The following LIMS4 variants were observed in gnomAD, a reference collection of about 807,000 sequenced individuals.
The protein encoded by LIMS4 is LIM zinc finger domain containing 4, also known as LIM and senescent cell antigen-like-containing domain protein 4.
the LIMS4 span, among the ~76,000 whole-genome samples, chr2:110,418,604 TA>T: frequency 1.4e-5 from 1 of 69,188 alleles, no homozygotes; most frequent in Non-Finnish European, 2.6e-5. Flanking sequence ...ACCACTGATG[TA>T]AATATAGCCA....
the LIMS4 span, among the ~76,000 whole-genome samples, chr2:110,392,395 C>T: frequency 6.7e-5 from 10 of 150,312 alleles, no homozygotes; most frequent in African/African-American, 1.5e-4. Flanking sequence ...GCCAAGATCA[C>T]GCCATTGCAC....
the LIMS4 span, among the ~76,000 whole-genome samples, chr2:110,366,898 T>C: frequency 1.3e-5 from 2 of 149,834 alleles, no homozygotes; most frequent in Non-Finnish European, 3.0e-5. Context: ...ACACCAACAA[T>C]ATCCAAGCTG....
chr2:110,373,232 TG>T, the LIMS4 span, among the ~76,000 whole-genome samples: 2 of 11,642 alleles, frequency 1.7e-4, no homozygotes, highest in East Asian at 2.2e-3. Context: ...CTCATGAGCC[TG>T]GCCAGTGGTG....
the LIMS4 span, among the ~76,000 whole-genome samples, chr2:110,391,049 G>C: frequency 6.6e-6 from 1 of 151,064 alleles, no homozygotes; most frequent in Non-Finnish European, 1.5e-5. Flanking sequence ...GCACAGTGTG[G>C]GGAGGTGGAA....
chr2:110,396,177 G>A, the LIMS4 span, among the ~76,000 whole-genome samples: 1 of 90,432 alleles, frequency 1.1e-5, no homozygotes, highest in Non-Finnish European at 2.1e-5. Flanking sequence ...AATTGTCACA[G>A]CCCCACAGAG....
At chr2:110,367,890 A>G in the LIMS4 span, among the ~76,000 whole-genome samples, 1 of 143,356 alleles carries the variant, frequency 7.0e-6, no homozygotes, top group Non-Finnish European at 1.5e-5. Context: ...TCAAAAAAGA[A>G]AAAAAATTCT....
chr2:110,419,656 C>CAA, the LIMS4 span, among the ~76,000 whole-genome samples: 16 of 8,124 alleles, frequency 2.0e-3, no homozygotes, highest in African/African-American at 0.018. Context: ...ACAACAACAA[C>CAA]AAAAAAAAAA....
At chr2:110,424,439 T>G in the LIMS4 span, among the ~76,000 whole-genome samples, 5 of 126,040 alleles carry the variant, frequency 4.0e-5, no homozygotes, top group Admixed American at 4.1e-4. Flanking sequence ...TTTAAAACGT[T>G]GATCATGAAG....
chr2:110,425,622 A>G, the LIMS4 span, among the ~76,000 whole-genome samples: 4 of 142,532 alleles, frequency 2.8e-5, no homozygotes, highest in Admixed American at 6.9e-5. Context: ...CTTAACCCCT[A>G]AAGAGCAAGA....
the LIMS4 span, among the ~76,000 whole-genome samples, chr2:110,425,333 T>C: frequency 7.1e-6 from 1 of 141,720 alleles, no homozygotes; most frequent in South Asian, 2.2e-4. Context: ...TGAGTGGTGA[T>C]TGCACCACTG....
chr2:110,373,899 G>A, the LIMS4 span, among the ~76,000 whole-genome samples: 2 of 141,574 alleles, frequency 1.4e-5, no homozygotes, highest in African/African-American at 3.1e-5. Flanking sequence ...ATCTCACCAG[G>A]GCCCCCTCCC....
At chr2:110,395,862 T>A in the LIMS4 span, among the ~76,000 whole-genome samples, 1 of 129,700 alleles carries the variant, frequency 7.7e-6, no homozygotes, top group Non-Finnish European at 1.6e-5. Context: ...CCCACCGACC[T>A]GTGCAGGGCC....
At chr2:110,395,961 C>G in the LIMS4 span, among the ~76,000 whole-genome samples, 2 of 141,440 alleles carry the variant, frequency 1.4e-5, 1 homozygote, top group African/African-American at 5.8e-5. Flanking sequence ...GCACTACTGA[C>G]AGACCACAGG....
At chr2:110,374,067 C>T in the LIMS4 span, among the ~76,000 whole-genome samples, 1 of 118,460 alleles carries the variant, frequency 8.4e-6, no homozygotes, top group Non-Finnish European at 1.6e-5. Flanking sequence ...ACCTCTCAGT[C>T]TCACCGAGCT....
chr2:110,433,613 C>A, the LIMS4 span: 1 of 141,852 alleles, frequency 7.0e-6, no homozygotes, highest in South Asian at 2.4e-4. Flanking sequence ...ATTAGCACTG[C>A]CTCCTATCTG....
the LIMS4 span, among the ~76,000 whole-genome samples, chr2:110,372,847 T>C: frequency 6.9e-6 from 1 of 145,600 alleles, no homozygotes; most frequent in South Asian, 2.1e-4. Flanking sequence ...GCTGTGACAG[T>C]GCCCTGTGAA....
chr2:110,425,178 GCC>G, the LIMS4 span, among the ~76,000 whole-genome samples: 1 of 143,532 alleles, frequency 7.0e-6, no homozygotes, highest in Non-Finnish European at 1.5e-5. Context: ...GATTGTTCAA[GCC>G]CAAGAGTTTG....
At chr2:110,456,476 A>G (rs1688274874) in intron 3 of LIMS4, among the ~76,000 whole-genome samples, 1 of 152,038 alleles carries the variant, frequency 6.6e-6, no homozygotes, top group Non-Finnish European at 1.5e-5. Context: ...CCCAAACACC[A>G]CCCGATAGGA....
the LIMS4 span, among the ~76,000 whole-genome samples, chr2:110,391,722 G>GTCGCCGTATCATTAAAA: frequency 8.6e-6 from 1 of 116,914 alleles, no homozygotes; most frequent in Non-Finnish European, 1.6e-5. Context: ...GGATCACGGG[G>GTCGCCGTATCATTAAAA]AGCCATTAGT....
Sources: gnomAD v4.1 joint callset for allele counts (sites outside exome capture counted in the v4.1 genomes callset) on GRCh38, gnomAD v4.1.1 for gene constraint, MANE v1.5 for transcripts, NCBI Gene and HGNC (gene_info 2026-07-23, HGNC 2026-07-21) for gene names.